The following MCF2 variants were observed in gnomAD, a reference collection of about 807,000 sequenced individuals.
MCF2 encodes the protein proto-oncogene DBL.
Under a neutral mutation model 82.5 loss-of-function variants are expected in MCF2, and 44 were observed. The ratio of observed to expected loss-of-function variants is 0.53; its 90% CI spans 0.42 to 0.69. The LOEUF (loss-of-function observed/expected upper bound fraction) is 0.69, where lower values mean the gene tolerates loss of function less well. Ranked by LOEUF, MCF2 falls within the 30% of genes least tolerant of loss-of-function variation. The pLI, the probability that MCF2 is intolerant of heterozygous loss-of-function variation, is 0.00. For synonymous variants in MCF2, 217 were observed against 224.9 expected (o/e 0.96, Z 0.32); for missense variants, 623 against 663.1 (o/e 0.94, Z 0.66).
intron 6 of MCF2, among the ~76,000 whole-genome samples, chrX:139,621,129 A>G (rs903408911): frequency 1.8e-5 from 2 of 111,391 alleles, no homozygotes; most frequent in East Asian, 5.7e-4. Context: ...TGGTGCTGAG[A>G]TAGCTGACTA....
chrX:139,607,618 T>C, intron 12 of MCF2, 73 bp downstream of exon 16: 5 of 710,700 alleles, frequency 7.0e-6, no homozygotes, highest in Non-Finnish European at 8.3e-6. Context: ...TCTAATCACA[T>C]TGGCCTTGAA....
intron 23 of MCF2, 30 bp downstream of exon 27, chrX:139,586,348 G>A: frequency 9.2e-7 from 1 of 1,082,003 alleles, no homozygotes; most frequent in Non-Finnish European, 1.3e-6. Flanking sequence ...ACACCCATGA[G>A]TCTCGTCTTA....
upstream of MCF2, chrX:139,645,649 T>A (rs1351943199): frequency 2.6e-6 from 3 of 1,176,041 alleles, no homozygotes; most frequent in African/African-American, 5.3e-5. Flanking sequence ...GGGAGTCTGA[T>A]CCATTTTGCC....
exon 25 of MCF2, chrX:139,582,102 C>A (rs1928526537): frequency 4.2e-6 from 1 of 238,847 alleles, no homozygotes; most frequent in Non-Finnish European, 7.5e-6. Flanking sequence ...TTTACTTGAC[C>A]TTAGCCATTT....
At chrX:139,642,575 A>G in exon 1 of MCF2, 2 of 1,210,558 alleles carry the variant, frequency 1.7e-6, no homozygotes, top group Non-Finnish European at 2.2e-6. Flanking sequence ...CGTTGATGAA[A>G]TACGAGCTGC....
intron 1 of MCF2, among the ~76,000 whole-genome samples, chrX:139,694,764 A>C (rs756438015): frequency 3.1e-4 from 34 of 111,222 alleles, no homozygotes; most frequent in African/African-American, 1.1e-3. Flanking sequence ...AAACAATAGC[A>C]GATAATAAAT....
chrX:139,687,990 A>C (rs888152975), intron 1 of MCF2, among the ~76,000 whole-genome samples: 2 of 111,794 alleles, frequency 1.8e-5, no homozygotes, highest in African/African-American at 6.5e-5. Context: ...AGTTCGTAAC[A>C]CTCAGAGAAG....
chrX:139,686,061 C>G (rs200026280), intron 1 of MCF2, among the ~76,000 whole-genome samples: 1 of 47,114 alleles, frequency 2.1e-5, no homozygotes, highest in African/African-American at 7.8e-5. Context: ...ATTCAACACC[C>G]CTTCACGTTA....
At chrX:139,591,259 T>A (rs1929494144) in intron 19 of MCF2, among the ~76,000 whole-genome samples, 1 of 111,411 alleles carries the variant, frequency 9.0e-6, no homozygotes, top group Non-Finnish European at 1.9e-5. Context: ...AGGGTTGATA[T>A]AAGGACTAAA....
At chrX:139,604,699 T>G in exon 15 of MCF2, 1 of 1,191,510 alleles carries the variant, frequency 8.4e-7, no homozygotes, top group Non-Finnish European at 1.1e-6. Flanking sequence ...GGAAACAAGG[T>G]CCCACTCTTT....
intron 1 of MCF2, among the ~76,000 whole-genome samples, chrX:139,686,521 C>G (rs1053261586): frequency 9.4e-5 from 10 of 106,069 alleles, no homozygotes; most frequent in Non-Finnish European, 1.7e-4. Flanking sequence ...GACTCTATCT[C>G]GGAAAAAAAA....
chrX:139,587,867 TCACA>T (rs3830799), intron 21 of MCF2, 79 bp from the exon 26 acceptor site: 449 of 460,240 alleles, frequency 9.8e-4, no homozygotes, highest in Middle Eastern at 2.3e-3. Context: ...TTTCTCTCTC[TCACA>T]CACACACACA....
At chrX:139,618,435 TACTGA>T (rs1276779198) in intron 7 of MCF2, among the ~76,000 whole-genome samples, 1 of 111,213 alleles carries the variant, frequency 9.0e-6, no homozygotes, top group African/African-American at 3.3e-5. Flanking sequence ...TACTTATCAC[TACTGA>T]ACTGAACATT....
chrX:139,630,060 T>C (rs1381209939), intron 3 of MCF2, among the ~76,000 whole-genome samples: 1 of 111,780 alleles, frequency 8.9e-6, no homozygotes, highest in Non-Finnish European at 1.9e-5. Context: ...AGAGTCTTCC[T>C]GAATATCTTT....
intron 1 of MCF2, among the ~76,000 whole-genome samples, chrX:139,684,240 A>G (rs1394606478): frequency 2.7e-5 from 3 of 112,601 alleles, no homozygotes; most frequent in Non-Finnish European, 5.6e-5. Flanking sequence ...GCTCAACATC[A>G]CTAGTCATTC....
At chrX:139,603,288 A>G (rs1930700735) in intron 15 of MCF2, among the ~76,000 whole-genome samples, 2 of 112,634 alleles carry the variant, frequency 1.8e-5, no homozygotes, top group South Asian at 7.4e-4. Flanking sequence ...TTAAACCACA[A>G]CTGGTTGCTA....
chrX:139,678,454 T>TA (rs1018858995), intron 1 of MCF2, among the ~76,000 whole-genome samples: 3 of 111,588 alleles, frequency 2.7e-5, no homozygotes, highest in African/African-American at 9.8e-5. Flanking sequence ...AAGCATAAAA[T>TA]AAAAAAACTG....
At chrX:139,674,486 C>T (rs1179597949) in intron 1 of MCF2, among the ~76,000 whole-genome samples, 1 of 111,971 alleles carries the variant, frequency 8.9e-6, no homozygotes, top group Non-Finnish European at 1.9e-5. Context: ...ATGTTTAGTG[C>T]TTCCTTCAAG....
intron 20 of MCF2, among the ~76,000 whole-genome samples, chrX:139,589,608 T>C (rs565236318): frequency 1.8e-5 from 2 of 111,970 alleles, no homozygotes; most frequent in South Asian, 3.8e-4. Flanking sequence ...AAGTCTCTTA[T>C]GTAGTTGTGA....
Sources: allele counts gnomAD v4.1 joint callset (sites outside exome capture counted in the v4.1 genomes callset), GRCh38; gene constraint gnomAD v4.1.1; transcripts MANE v1.5; gene names NCBI Gene and HGNC (gene_info 2026-07-23, HGNC 2026-07-21).